The following FAM168A variants were observed in gnomAD, a reference collection of about 807,000 sequenced individuals.
FAM168A encodes the protein family with sequence similarity 168 member A.
A neutral mutation model predicts 28.5 loss-of-function variants in FAM168A; 3 were observed. The observed-to-expected ratio is 0.11, with a 90% confidence interval of 0.05 to 0.27. The LOEUF (loss-of-function observed/expected upper bound fraction) is 0.27. Ranked by LOEUF, FAM168A falls within the 10% of genes least tolerant of loss-of-function variation. The pLI, the probability that FAM168A is intolerant of heterozygous loss-of-function variation, is 1.00. For synonymous variants in FAM168A, 122 were observed against 124.2 expected (o/e 0.98, Z 0.12); for missense variants, 222 against 311.5 (o/e 0.71, Z 2.16).
At chr11:73,493,032 G>A (rs755232748) in intron 1 of FAM168A, among the ~76,000 whole-genome samples, 1 of 152,192 alleles carries the variant, frequency 6.6e-6, no homozygotes, top group African/African-American at 2.4e-5. Flanking sequence ...CCAAGAGTGT[G>A]GAGAAGGATG....
At position 73,411,421 on chromosome 11, in the gene FAM168A, G is replaced by A. The variant is rs1270040608; in HGVS notation, c.393C>T (p.Ala131=). 2 of 1,610,592 alleles carry A rather than the reference G, an allele frequency of 1.2e-6. No individual in the cohort carries two copies. The highest frequency in any genetic ancestry group is 8.5e-7 in the Non-Finnish European group (1 of 1,178,204). Residue 131 remains alanine (A), a synonymous_variant, in exon 5 of 8, where the codon GCC becomes GCT. Coordinates refer to ENST00000356467, the MANE Select transcript of FAM168A (RefSeq NM_015159.3). ...YQTAMYPIRS[A]YPQQNLYAQG... is the part of the protein sequence containing the mutation. ...GGGCATACAGATTCTGCTGGGGGTA[G>A]GCACTTCTGATTGGATACATGGCCG...
chr11:73,574,827 G>C (rs1449059664), intron 1 of FAM168A, among the ~76,000 whole-genome samples: 1 of 148,434 alleles, frequency 6.7e-6, no homozygotes, highest in Non-Finnish European at 1.5e-5. Context: ...GCCTCCCAAA[G>C]TGCTGGGATT....
intron 1 of FAM168A, among the ~76,000 whole-genome samples, chr11:73,543,242 A>ATGAT (rs1202442669): frequency 6.6e-6 from 1 of 150,790 alleles, no homozygotes; most frequent in African/African-American, 2.4e-5. Context: ...ACTAGTAATC[A>ATGAT]ACTTCAGCCA....
At chr11:73,473,194 CA>C (rs1034441148) in intron 1 of FAM168A, among the ~76,000 whole-genome samples, 3 of 151,816 alleles carry the variant, frequency 2.0e-5, no homozygotes, top group African/African-American at 7.3e-5. Flanking sequence ...AACTTAAGTC[CA>C]AAAAAATGAA....
chr11:73,478,434 T>C (rs1288490556), intron 1 of FAM168A, among the ~76,000 whole-genome samples: 1 of 152,148 alleles, frequency 6.6e-6, no homozygotes, highest in Non-Finnish European at 1.5e-5. Flanking sequence ...AGGCAAACAG[T>C]AGATTTTTGA....
At chr11:73,529,490 C>T (rs1306222100) in intron 1 of FAM168A, among the ~76,000 whole-genome samples, 3 of 152,184 alleles carry the variant, frequency 2.0e-5, no homozygotes, top group Non-Finnish European at 4.4e-5. Context: ...AGCACCTACC[C>T]TAGATTTCAG....
intron 1 of FAM168A, among the ~76,000 whole-genome samples, chr11:73,486,396 C>T (rs1394929096): frequency 1.3e-5 from 2 of 152,148 alleles, no homozygotes; most frequent in Non-Finnish European, 2.9e-5. Context: ...CCTGATACCA[C>T]CATTCTATAT....
At chr11:73,566,383 G>A (rs553323555) in intron 1 of FAM168A, among the ~76,000 whole-genome samples, 53 of 152,198 alleles carry the variant, frequency 3.5e-4, no homozygotes, top group African/African-American at 1.0e-3. Context: ...ATCCCTTGAT[G>A]TAATCAATAA....
At chr11:73,460,499 C>CT (rs547956382) in intron 2 of FAM168A, among the ~76,000 whole-genome samples, 8,593 of 112,720 alleles carry the variant, frequency 0.076, 515 homozygotes, top group Non-Finnish European at 0.093. Flanking sequence ...GCTACTAATG[C>CT]TTTTTTTTTT....
intron 1 of FAM168A, among the ~76,000 whole-genome samples, chr11:73,549,513 T>C (rs1943800438): frequency 6.6e-6 from 1 of 152,212 alleles, no homozygotes; most frequent in Non-Finnish European, 1.5e-5. Context: ...TTTCCATCAC[T>C]GCAGAAAGTT....
chr11:73,542,654 T>A (rs1943672581), intron 1 of FAM168A, among the ~76,000 whole-genome samples: 1 of 152,202 alleles, frequency 6.6e-6, no homozygotes, highest in Admixed American at 6.5e-5. Flanking sequence ...TCCACTCTGT[T>A]GAAAACCCTG....
intron 2 of FAM168A, among the ~76,000 whole-genome samples, chr11:73,467,954 C>T (rs1484911429): frequency 6.6e-6 from 1 of 152,148 alleles, no homozygotes; most frequent in Non-Finnish European, 1.5e-5. Context: ...TTAGTGATAA[C>T]AGTTACAGTT....
At chr11:73,529,433 A>C (rs1176037318) in intron 1 of FAM168A, among the ~76,000 whole-genome samples, 1 of 152,202 alleles carries the variant, frequency 6.6e-6, no homozygotes, top group Non-Finnish European at 1.5e-5. Flanking sequence ...TGTAAATGAC[A>C]GATAATGTTT....
chr11:73,463,774 A>T (rs1007441404), intron 2 of FAM168A, among the ~76,000 whole-genome samples: 6 of 152,238 alleles, frequency 3.9e-5, no homozygotes, highest in Non-Finnish European at 7.3e-5. Context: ...AGCTTGCTTC[A>T]AGAAAGGGGT....
intron 1 of FAM168A, among the ~76,000 whole-genome samples, chr11:73,553,755 G>C (rs1336914138): frequency 6.6e-6 from 1 of 152,006 alleles, no homozygotes; most frequent in East Asian, 1.9e-4. Context: ...GCCAAGGCAG[G>C]CAGATGGATT....
chr11:73,502,181 A>G (rs1855022463), intron 1 of FAM168A, among the ~76,000 whole-genome samples: 1 of 150,246 alleles, frequency 6.7e-6, no homozygotes, highest in Admixed American at 6.6e-5. Flanking sequence ...GAGACACAAA[A>G]AACCCTCAAA....
chr11:73,596,989 G>A (rs558039834), intron 1 of FAM168A, among the ~76,000 whole-genome samples: 15 of 152,216 alleles, frequency 9.9e-5, no homozygotes, highest in African/African-American at 3.1e-4. Flanking sequence ...AATGAAAGCA[G>A]CCCAGTGATG....
intron 1 of FAM168A, among the ~76,000 whole-genome samples, chr11:73,550,875 G>A (rs1176698262): frequency 2.0e-5 from 3 of 152,032 alleles, no homozygotes; most frequent in African/African-American, 2.4e-5. Context: ...TTGGGAGGCC[G>A]AGGCAGGCAG....
intron 2 of FAM168A, among the ~76,000 whole-genome samples, chr11:73,440,740 A>G (rs1403698384): frequency 6.6e-6 from 1 of 152,266 alleles, no homozygotes; most frequent in East Asian, 1.9e-4. Context: ...ACCAAAAGGG[A>G]GAACCACAAA....
Sources: gnomAD v4.1 joint callset for allele counts (sites outside exome capture counted in the v4.1 genomes callset) on GRCh38, gnomAD v4.1.1 for gene constraint, MANE v1.5 for transcripts, NCBI Gene and HGNC (gene_info 2026-07-23, HGNC 2026-07-21) for gene names.